Variants in IL16 observed in about 807,000 individuals in gnomAD.
IL16 encodes the protein pro-interleukin-16.
In IL16, 67 loss-of-function variants were observed where a neutral mutation model predicts 110.1. The observed-to-expected ratio is 0.61, with a 90% confidence interval of 0.50 to 0.75. The LOEUF is 0.75. Ranked by LOEUF, IL16 falls within the 30% of genes least tolerant of loss-of-function variation. The pLI is 0.00. For synonymous variants in IL16, 689 were observed against 662.9 expected, an observed-to-expected ratio of 1.04 and a Z score of -0.61; for missense variants, 1,545 against 1,655.0, an observed-to-expected ratio of 0.93 and a Z score of 1.15.
At chr15:81,218,762 C>T (rs1896518501) in intron 1 of IL16, among the ~76,000 whole-genome samples, 1 of 152,080 alleles carries the variant, frequency 6.6e-6, no homozygotes, top group African/African-American at 2.4e-5. Flanking sequence ...GCTTTTTCAG[C>T]TTTACAATAT....
intron 2 of IL16, among the ~76,000 whole-genome samples, chr15:81,242,945 A>C (rs1021467666): frequency 6.6e-6 from 1 of 151,190 alleles, no homozygotes; most frequent in Middle Eastern, 3.4e-3. Context: ...TGGTCAAAAA[A>C]TTTTTTTGCA....
chr15:81,211,241 CT>C (rs1445236713), intron 1 of IL16, among the ~76,000 whole-genome samples: 1 of 144,532 alleles, frequency 6.9e-6, no homozygotes, highest in Non-Finnish European at 1.5e-5. Flanking sequence ...ATTTTGAATT[CT>C]TTTTTTCTTT....
intron 2 of IL16, among the ~76,000 whole-genome samples, chr15:81,228,298 C>G (rs72744145): frequency 0.034 from 5,106 of 150,124 alleles, 137 homozygotes; most frequent in Non-Finnish European, 0.053. Context: ...CTTTTCATCT[C>G]TTTGTGATTC....
Position 81,259,866 on chromosome 15 carries a change from G to C in IL16, c.407G>C (p.Arg136Pro). 6.2e-7 allele frequency: 1 copy of C among 1,607,808 alleles called. No individual in the cohort carries two copies. ...CCTAAAGCCTGCCACCAAAGGGCAC[G>C]CAGCAACTCAACCAGTAAGTGTCTT... ...LFPKACHQRA[R>P]SNSTSVNPYC... The change falls in exon 3 of 19, where the codon CGC becomes CCC. Residue 136 changes from arginine to proline, a missense_variant. By Grantham distance (103) the Arg-to-Pro change is moderately radical (BLOSUM62 -2). Around this residue, in one of 3 missense-constraint regions of IL16, gnomAD observed 1,185 missense variants for 1,238.8 expected, o/e 0.96. Coordinates refer to ENST00000683961, the MANE Select transcript of IL16 (RefSeq NM_172217.5).
chr15:81,230,440 C>T (rs1381574249), intron 2 of IL16, among the ~76,000 whole-genome samples: 1 of 152,160 alleles, frequency 6.6e-6, no homozygotes, highest in East Asian at 1.9e-4. Context: ...CTTTCTCTTT[C>T]TTCAGACATT....
chr15:81,306,403 C>T lies in IL16; in HGVS notation c.3680-17C>T. The stretch of plus-strand genomic sequence containing the variant: ...GAGAGGAGAGGATCCCTAACAGAGA[C>T]CTTGTGTTTTTCTCAGCAGCAGAGG... On this transcript the variant is annotated splice_polypyrimidine_tract_variant and intron_variant, in intron 17 of 18. Coordinates refer to ENST00000683961, the MANE Select transcript of IL16 (RefSeq NM_172217.5). The T allele has an allele frequency of 6.2e-7, 1 of 1,613,418 alleles. No homozygotes were observed. Among genetic ancestry groups the T allele is most frequent in the Non-Finnish European group, 8.5e-7 (1 of 1,179,832 alleles).
chr15:81,214,566 G>A (rs1441521673), intron 1 of IL16, among the ~76,000 whole-genome samples: 1 of 149,430 alleles, frequency 6.7e-6, no homozygotes, highest in Admixed American at 6.7e-5. Flanking sequence ...TTTTTTGTTT[G>A]CATTGACCTT....
Position 81,265,668 on chromosome 15 carries a change from C to T in IL16, c.431C>T (p.Pro144Leu). 2 of 1,613,814 alleles carry T rather than the reference C, an allele frequency of 1.2e-6. No individual in the cohort carries two copies. Among genetic ancestry groups the T allele is most frequent in the Non-Finnish European group, 8.5e-7 (1 of 1,179,892 alleles). ...RARSNSTSVNPYCTREIDFPM... is the reference protein window; with the variant it reads ...RARSNSTSVNLYCTREIDFPM... Reference sequence around the variant, plus strand: ...TCCTCTTCTGGTTTAGGTGTTAATCCCTATTGCACAAGAGAAATTGATTTT... The same window carrying T: ...TCCTCTTCTGGTTTAGGTGTTAATCTCTATTGCACAAGAGAAATTGATTTT... The change falls in exon 4 of 19, where the codon CCC becomes CTC. Residue 144 changes from proline (P) to leucine (L), a missense_variant. This residue lies in a region of IL16 where 1,185 missense variants were observed against 1,238.8 expected (regional missense o/e 0.96). Transcript: ENST00000683961.
chr15:81,301,033 A>G (rs1475309707), intron 14 of IL16, among the ~76,000 whole-genome samples: 8 of 152,170 alleles, frequency 5.3e-5, no homozygotes, highest in Non-Finnish European at 1.0e-4. Flanking sequence ...TGAAATTAGG[A>G]GATGGATGAG....
In IL16 at chr15:81,300,084, T is replaced by A; in HGVS notation, c.2758T>A (p.Ser920Thr). ...AASEARDPGV[S>T]ESPPPGRQPN... ...CTCCGAGGCCAGAGACCCAGGTGTGTCTGAGTCCCCTCCCCCAGGGCGGCA... is the reference window on the plus strand; with the variant it reads ...CTCCGAGGCCAGAGACCCAGGTGTGACTGAGTCCCCTCCCCCAGGGCGGCA... The change falls in exon 14 of 19, where the codon TCT (serine) becomes ACT (threonine). Residue 920 changes from serine (S) to threonine (T), a missense_variant. Transcript: ENST00000683961. 6.3e-7 allele frequency: 1 copy of A among 1,578,178 alleles called. No homozygotes were observed. The highest frequency in any genetic ancestry group is 8.6e-7 in the Non-Finnish European group (1 of 1,163,468).
At chr15:81,184,176 A>G (rs1265226766) in intron 1 of IL16, among the ~76,000 whole-genome samples, 1 of 152,138 alleles carries the variant, frequency 6.6e-6, no homozygotes, top group Non-Finnish European at 1.5e-5. Context: ...GTGGGACTTG[A>G]CCTGGTGTTT....
At chr15:81,231,444 G>C (rs1367907280) in intron 2 of IL16, among the ~76,000 whole-genome samples, 1 of 148,544 alleles carries the variant, frequency 6.7e-6, no homozygotes, top group Non-Finnish European at 1.5e-5. Flanking sequence ...ATGAACATGG[G>C]CTCACCACAA....
In IL16 at chr15:81,300,497, T is replaced by G. The variant is rs1900226650; in HGVS notation, c.3149+22T>G. 3 of 1,500,128 alleles carry G rather than the reference T, an allele frequency of 2.0e-6. No homozygotes were observed. In the South Asian group the frequency reaches 3.5e-5, roughly 17 times the overall value. 92.9% of individuals were successfully genotyped at this position (1,500,128 alleles called of 1,614,324 possible). A position where few individuals can be genotyped will look rare whatever the true frequency, so the allele number is the denominator to read the frequency against. ...TCAAGTGAGTTTCTACACCCGGTGTTTCTCTTTACCTTTCTCATCTTTTTC... is the reference window on the plus strand; with the variant it reads ...TCAAGTGAGTTTCTACACCCGGTGTGTCTCTTTACCTTTCTCATCTTTTTC... On this transcript the variant is annotated intron_variant, in intron 14 of 18. Transcript: ENST00000683961.
rs777074962 is a variant in IL16, at chr15:81,312,535, ACTC to A, written c.*3738_*3740del. The A allele has an allele frequency of 1.3e-5, 2 of 152,334 alleles. No homozygotes were observed. The highest frequency in any genetic ancestry group is 2.9e-5 in the Non-Finnish European group (2 of 68,026). 9.4% of individuals were successfully genotyped at this position (152,334 alleles called of 1,614,324 possible). ...GCTCAGTTCAGAATCACTTCTGAGA[ACTC>A]ATCCCTAATGCTGCAGATTTGGGCT... is the stretch of plus-strand genomic sequence containing the variant. On this transcript the variant is annotated 3_prime_UTR_variant, in exon 19 of 19. Coordinates refer to ENST00000683961, the MANE Select transcript of IL16 (RefSeq NM_172217.5).
In IL16 at chr15:81,305,832, G is replaced by A. The variant is rs551973193; in HGVS notation, c.3421-76G>A. On this transcript the variant is annotated intron_variant, in intron 16 of 18. Transcript: ENST00000683961. ...AAAAATCCTCTAGCATTGACTAACC[G>A]GTTCAATCCTCCTCCAGCAAGTATG... 25 of 1,540,468 alleles carry A rather than the reference G, an allele frequency of 1.6e-5. No homozygotes were observed. The African/African-American group carries it at 1.8e-4, about 11-fold the overall frequency.
At chr15:81,196,688 A>C (rs996707776), upstream of IL16, among the ~76,000 whole-genome samples, 3 of 152,192 alleles carry the variant, frequency 2.0e-5, no homozygotes, top group Non-Finnish European at 4.4e-5. Flanking sequence ...AAGGAACCTC[A>C]CTGTGGTTCT....
intron 5 of IL16, among the ~76,000 whole-genome samples, chr15:81,272,043 T>C (rs1462593262): frequency 2.0e-5 from 3 of 152,236 alleles, no homozygotes; most frequent in Admixed American, 6.5e-5. Flanking sequence ...TGCTTGTACG[T>C]TGGACCCAAA....
At chr15:81,290,005 G>A (rs762344176) in intron 10 of IL16, 57 of 397,100 alleles carry the variant, frequency 1.4e-4, no homozygotes, top group Non-Finnish European at 2.6e-4. Context: ...TTGACTCTAG[G>A]ACTCATACTC....
At position 81,303,272 on chromosome 15, in the gene IL16, A is replaced by T. The variant is rs1398780293; in HGVS notation, c.3319-277A>T. 2.8e-6 allele frequency: 1 copy of T among 362,944 alleles called. No homozygotes were observed. Among genetic ancestry groups the T allele is most frequent in the East Asian group, 5.3e-5 (1 of 18,778 alleles). The allele number at this position is 362,944 out of a possible 1,614,324, so 22.5% of individuals were successfully genotyped here. A position where few individuals can be genotyped will look rare whatever the true frequency, so the allele number is the denominator to read the frequency against. ...AATATGCTGATTTCTGGCTGACTTC[A>T]TGGCACTCCCCCTGCCCGGCTGTGG... On this transcript the variant is annotated intron_variant, in intron 15 of 18. Coordinates refer to ENST00000683961, the MANE Select transcript of IL16 (RefSeq NM_172217.5). This position sits in a 1 kb window ranked among gnomAD's most constrained non-coding sequence, Gnocchi z 4.1.
Sources: gnomAD v4.1 joint callset for allele counts (sites outside exome capture counted in the v4.1 genomes callset) on GRCh38, gnomAD v4.1.1 for gene constraint, gnomAD v4.1.1 regional missense constraint, Gnocchi (gnomAD v3.1) non-coding constraint, MANE v1.5 for transcripts, NCBI Gene and HGNC (gene_info 2026-07-23, HGNC 2026-07-21) for gene names.